ST8SIA2: variants seen among roughly 807,000 people sequenced by gnomAD.
ST8SIA2 encodes the protein alpha-2,8-sialyltransferase 8B.
ST8SIA2 carries 22 observed loss-of-function variants against 37.6 expected under a neutral mutation model. The observed-to-expected ratio is 0.58, with a 90% CI of 0.42 to 0.83. The LOEUF is 0.83. ST8SIA2 is among the 40% of genes least tolerant of loss of function. ST8SIA2 has a pLI of 0.00. For synonymous variants in ST8SIA2, 205 were observed against 201.2 expected (o/e 1.02, Z -0.16); for missense variants, 382 against 484.7 (o/e 0.79, Z 1.99).
intron 2 of ST8SIA2, among the ~76,000 whole-genome samples, chr15:92,433,500 G>T (rs1397228760): frequency 2.0e-5 from 3 of 152,230 alleles, no homozygotes; most frequent in Non-Finnish European, 2.9e-5. Context: ...TCCTGAGTCA[G>T]ATGGAAAGGG....
chr15:92,418,387 G>A (rs12592754), intron 1 of ST8SIA2, among the ~76,000 whole-genome samples: 68,486 of 150,094 alleles, frequency 0.46, 16,195 homozygotes, highest in East Asian at 0.69. Context: ...AGCTGAGCCC[G>A]GGAAGTCGAG....
Position 92,435,793 on chromosome 15 carries a change from C to T in ST8SIA2, c.290+1418C>T, listed in dbSNP as rs62020980. Among the ~76,000 whole-genome samples, 426 of 152,212 alleles carry T rather than the reference C, an allele frequency of 2.8e-3. 1 individual carries two copies. The highest frequency in any genetic ancestry group is 4.3e-3 in the Non-Finnish European group (291 of 67,990). On this transcript the variant is annotated intron_variant, in intron 3 of 5. Coordinates refer to ENST00000268164, the MANE Select transcript of ST8SIA2 (RefSeq NM_006011.4). ...ATCCCCCTCACGAAGCCCTAACAAC[C>T]GCCCCCTTTGATCAGGGACACCGTG...
intron 1 of ST8SIA2, among the ~76,000 whole-genome samples, chr15:92,421,600 G>C (rs1463636727): frequency 6.6e-6 from 1 of 152,154 alleles, no homozygotes; most frequent in Non-Finnish European, 1.5e-5. Flanking sequence ...TTCTAGATAG[G>C]TTAAGTAATA....
rs1378745939 is a variant in ST8SIA2 at position 92,464,176 on chromosome 15, T to C, written c.919T>C (p.Cys307Arg). The change falls in exon 6 of 6, where the codon TGC becomes CGC. Residue 307 changes from cysteine (C) to arginine (R), a missense_variant. Transcript: ENST00000268164. Reference sequence around the variant, plus strand: ...GATGTATACCCTGGCCACACGTTTCTGCAAACAAATCTACCTCTACGGCTT... The same window carrying C: ...GATGTATACCCTGGCCACACGTTTCCGCAAACAAATCTACCTCTACGGCTT... ...LLMYTLATRF[C>R]KQIYLYGFWP... is the part of the protein sequence containing the mutation. The C allele has an allele frequency of 6.2e-7, 1 of 1,611,074 alleles. No homozygotes were observed. The highest frequency in any genetic ancestry group is 8.5e-7 in the Non-Finnish European group (1 of 1,179,470).
At chr15:92,449,477 G>C (rs1207857114) in intron 5 of ST8SIA2, among the ~76,000 whole-genome samples, 1 of 152,212 alleles carries the variant, frequency 6.6e-6, no homozygotes. Flanking sequence ...ACATGCCAGT[G>C]CATGTGTCTT....
At position 92,464,132 on chromosome 15, in the gene ST8SIA2, G is replaced by C; in HGVS notation, c.875G>C (p.Arg292Thr). 1.8e-6 allele frequency: 2 copies of C among 1,120,920 alleles called. No individual in the cohort carries two copies. Among genetic ancestry groups the C allele is most frequent in the Non-Finnish European group, 2.4e-6 (2 of 817,932 alleles). 69.4% of individuals were successfully genotyped at this position (1,120,920 alleles called of 1,614,324 possible). A position where few individuals can be genotyped will look rare whatever the true frequency, so the allele number is the denominator to read the frequency against. Residue 292 changes from arginine to threonine, a missense_variant, in exon 6 of 6, where the codon AGA becomes ACA. Arg to Thr is a moderately conservative substitution (Grantham distance 71). Coordinates refer to ENST00000268164, the MANE Select transcript of ST8SIA2 (RefSeq NM_006011.4). ...CTGACCAACAAAGTCCACATCAAAA[G>C]ACCCACCACCGGCCTCTTGATGTAT... ...YWLTNKVHIKRPTTGLLMYTL... is the reference protein window; with the variant it reads ...YWLTNKVHIKTPTTGLLMYTL...
chr15:92,431,022 C>G (rs1312789778), intron 2 of ST8SIA2, among the ~76,000 whole-genome samples: 1 of 152,120 alleles, frequency 6.6e-6, no homozygotes, highest in East Asian at 1.9e-4. Context: ...AAACTGTTCC[C>G]TCTGTCCCTG....
intron 1 of ST8SIA2, among the ~76,000 whole-genome samples, chr15:92,422,907 T>C (rs1850886065): frequency 6.6e-6 from 1 of 152,200 alleles, no homozygotes; most frequent in Admixed American, 6.5e-5. Context: ...GGAGGGGTCT[T>C]TCCTTGCTCA....
At chr15:92,399,113 G>C (rs1211534293) in intron 1 of ST8SIA2, among the ~76,000 whole-genome samples, 1 of 152,202 alleles carries the variant, frequency 6.6e-6, no homozygotes, top group Non-Finnish European at 1.5e-5. Flanking sequence ...TCCAGACTCT[G>C]AGGTGGAGCC....
chr15:92,436,175 G>A (rs1192360866), intron 3 of ST8SIA2, among the ~76,000 whole-genome samples: 1 of 152,084 alleles, frequency 6.6e-6, no homozygotes, highest in Non-Finnish European at 1.5e-5. Context: ...ATGTTCTTTT[G>A]ACATGTGGTC....
intron 4 of ST8SIA2, among the ~76,000 whole-genome samples, chr15:92,441,504 C>G (rs1317816733): frequency 3.3e-5 from 5 of 152,034 alleles, no homozygotes; most frequent in Non-Finnish European, 7.4e-5. Flanking sequence ...GCTGAGGACA[C>G]TGTGTCTATC....
chr15:92,415,696 T>C (rs925271127), intron 1 of ST8SIA2, among the ~76,000 whole-genome samples: 3 of 152,142 alleles, frequency 2.0e-5, no homozygotes, highest in African/African-American at 7.2e-5. Flanking sequence ...GACTAGTCTC[T>C]TGAGTTTTAA....
intron 5 of ST8SIA2, among the ~76,000 whole-genome samples, chr15:92,448,105 G>A (rs551616201): frequency 8.5e-5 from 13 of 152,304 alleles, no homozygotes; most frequent in African/African-American, 3.1e-4. Context: ...TGTCAAAACA[G>A]CATTAAGCAC....
At chr15:92,423,169 G>A (rs577554860) in intron 1 of ST8SIA2, among the ~76,000 whole-genome samples, 1 of 152,344 alleles carries the variant, frequency 6.6e-6, no homozygotes, top group Admixed American at 6.5e-5. Context: ...TGCCCAAAGA[G>A]TGCAGAGTTT....
chr15:92,446,450 G>A (rs535256278), intron 5 of ST8SIA2, among the ~76,000 whole-genome samples: 2 of 152,308 alleles, frequency 1.3e-5, no homozygotes, highest in South Asian at 2.1e-4. Context: ...ATCAAGGGGA[G>A]TAGACATAGA....
At chr15:92,433,365 A>G (rs79583215) in intron 2 of ST8SIA2, among the ~76,000 whole-genome samples, 6 of 152,350 alleles carry the variant, frequency 3.9e-5, no homozygotes, top group African/African-American at 9.6e-5. Context: ...ATCTGTGTGC[A>G]TCCAGCAGCA....
intron 5 of ST8SIA2, among the ~76,000 whole-genome samples, chr15:92,445,553 C>T (rs1235515739): frequency 2.6e-5 from 4 of 152,120 alleles, no homozygotes; most frequent in Non-Finnish European, 5.9e-5. Context: ...TTCAAAGGAG[C>T]GTCTCTTAGG....
intron 1 of ST8SIA2, among the ~76,000 whole-genome samples, chr15:92,407,220 C>T (rs1028001455): frequency 1.3e-5 from 2 of 152,088 alleles, no homozygotes; most frequent in East Asian, 1.9e-4. Context: ...AACTGTGTGG[C>T]GATCTAGCTG....
chr15:92,401,211 TG>T (rs778170798), intron 1 of ST8SIA2, among the ~76,000 whole-genome samples: 1 of 152,094 alleles, frequency 6.6e-6, no homozygotes. Context: ...TGCCAGGGCG[TG>T]GGGACAAGCT....
Sources: gnomAD v4.1 joint callset for allele counts (sites outside exome capture counted in the v4.1 genomes callset) on GRCh38, gnomAD v4.1.1 for gene constraint, MANE v1.5 for transcripts, NCBI Gene and HGNC (gene_info 2026-07-23, HGNC 2026-07-21) for gene names.